The following MREG variants were observed in gnomAD, a reference collection of about 807,000 sequenced individuals.
MREG encodes the protein melanoregulin.
A neutral mutation model predicts 28.5 loss-of-function variants in MREG; 31 were observed. The ratio of observed to expected loss-of-function variants is 1.09; its 90% CI spans 0.82 to 1.47. The LOEUF is 1.47. Ranked by LOEUF, MREG falls within the 40% of genes most tolerant of loss-of-function variation. The pLI is 0.00. For synonymous variants in MREG, 106 were observed against 95.2 expected (o/e 1.11, Z -0.66); for missense variants, 256 against 257.4 (o/e 0.99, Z 0.04).
At chr2:216,029,861 T>C (rs1351439919) in intron 1 of MREG, among the ~76,000 whole-genome samples, 1 of 152,248 alleles carries the variant, frequency 6.6e-6, no homozygotes, top group African/African-American at 2.4e-5. Context: ...TCATGCATCA[T>C]TTTACAAGAG....
intron 2 of MREG, among the ~76,000 whole-genome samples, chr2:215,984,402 C>T (rs911756390): frequency 6.6e-6 from 1 of 150,926 alleles, no homozygotes; most frequent in African/African-American, 2.4e-5. Flanking sequence ...GCCTGCAATC[C>T]AATGCTTTGG....
At chr2:216,031,362 G>A (rs1223609006) in intron 1 of MREG, among the ~76,000 whole-genome samples, 1 of 151,454 alleles carries the variant, frequency 6.6e-6, no homozygotes, top group African/African-American at 2.4e-5. Context: ...AGCTGAGATT[G>A]TACCACTGCA....
intron 2 of MREG, among the ~76,000 whole-genome samples, chr2:215,957,899 A>T (rs1692669553): frequency 6.6e-6 from 1 of 152,156 alleles, no homozygotes; most frequent in Admixed American, 6.5e-5. Context: ...AATGTGGCAT[A>T]TATACACCAT....
chr2:216,028,527 C>CAAAA (rs1191138312), intron 1 of MREG, among the ~76,000 whole-genome samples: 2 of 62,790 alleles, frequency 3.2e-5, no homozygotes, highest in African/African-American at 1.2e-4. Flanking sequence ...GACTCCATCT[C>CAAAA]AAAAAAAAAA....
At chr2:216,013,922 T>A (rs2105927298), upstream of MREG, among the ~76,000 whole-genome samples, 1 of 152,314 alleles carries the variant, frequency 6.6e-6, no homozygotes, top group Admixed American at 6.5e-5. Flanking sequence ...CGTAGGGTTT[T>A]TTTTTAAATA....
chr2:216,027,817 C>G (rs748118834), intron 1 of MREG, among the ~76,000 whole-genome samples: 1 of 152,164 alleles, frequency 6.6e-6, no homozygotes, highest in Non-Finnish European at 1.5e-5. Flanking sequence ...GTCAAGCCAA[C>G]TCTCCCTTCC....
At chr2:215,953,727 T>A (rs923743982) in intron 2 of MREG, among the ~76,000 whole-genome samples, 2 of 152,224 alleles carry the variant, frequency 1.3e-5, no homozygotes, top group African/African-American at 4.8e-5. Context: ...AAGTCAGACC[T>A]ACTTCAGGAA....
At chr2:216,020,719 C>T (rs1010543463) in intron 1 of MREG, among the ~76,000 whole-genome samples, 1 of 152,140 alleles carries the variant, frequency 6.6e-6, no homozygotes, top group Non-Finnish European at 1.5e-5. Context: ...TAACAGCTAG[C>T]GATGCACTGT....
intron 1 of MREG, among the ~76,000 whole-genome samples, chr2:216,005,037 G>C (rs115994723): frequency 0.018 from 2,803 of 152,210 alleles, 79 homozygotes; most frequent in African/African-American, 0.063. Flanking sequence ...GAGGAACCAG[G>C]GGAAGCCAGT....
At chr2:216,006,757 C>G (rs3770564) in intron 1 of MREG, among the ~76,000 whole-genome samples, 1 of 152,196 alleles carries the variant, frequency 6.6e-6, no homozygotes, top group Non-Finnish European at 1.5e-5. Context: ...GAGTCCACAC[C>G]GTAAAATGAA....
At chr2:216,000,145 G>A (rs539778518) in intron 1 of MREG, among the ~76,000 whole-genome samples, 8 of 152,326 alleles carry the variant, frequency 5.3e-5, no homozygotes, top group African/African-American at 1.2e-4. Flanking sequence ...CACCCCTCAC[G>A]TTACACAAGC....
At chr2:216,017,354 G>A (rs1026909919), upstream of MREG, among the ~76,000 whole-genome samples, 2 of 151,972 alleles carry the variant, frequency 1.3e-5, no homozygotes, top group African/African-American at 4.8e-5. Context: ...TCCTCTTCCC[G>A]GAATTTTAAT....
chr2:215,965,190 C>T (rs1217242464), intron 2 of MREG, among the ~76,000 whole-genome samples: 1 of 152,178 alleles, frequency 6.6e-6, no homozygotes, highest in Non-Finnish European at 1.5e-5. Context: ...TTTCAGATGG[C>T]AACTCACAGG....
chr2:215,964,923 C>G (rs1692901793), intron 2 of MREG, among the ~76,000 whole-genome samples: 1 of 151,868 alleles, frequency 6.6e-6, no homozygotes, highest in Admixed American at 6.6e-5. Flanking sequence ...AAGCAAAATG[C>G]AATAAAATAG....
rs1692280816 is a variant in MREG, at chr2:215,944,913, G to A, written c.595C>T (p.Leu199=). 2.5e-6 allele frequency: 4 copies of A among 1,608,622 alleles called. No individual in the cohort carries two copies. Among genetic ancestry groups the A allele is most frequent in the Non-Finnish European group, 2.6e-6 (3 of 1,175,512 alleles). Residue 199 remains leucine, a synonymous_variant, in exon 5 of 5, where the codon CTG becomes TTG. Transcript: ENST00000263268. ...TGCAGTTCTTTCTGGCCATCTGCCA[G>A]GCATGGAACCCCAGGCTTCTTGGGG... The part of the protein sequence containing the change: ...TYPKKPGVPC[L]ADGQKELHYL...
chr2:216,006,597 G>T (rs920004547), intron 1 of MREG, among the ~76,000 whole-genome samples: 2 of 152,210 alleles, frequency 1.3e-5, no homozygotes, highest in African/African-American at 2.4e-5. Context: ...CAGAGACCTG[G>T]CTCCGGAAAA....
intron 1 of MREG, among the ~76,000 whole-genome samples, chr2:216,029,922 G>A (rs550560273): frequency 1.3e-5 from 2 of 152,272 alleles, no homozygotes; most frequent in Admixed American, 1.3e-4. Context: ...TGGCTGAGTC[G>A]TATCTCTTAT....
At chr2:216,003,264 C>A (rs1694065053) in intron 1 of MREG, among the ~76,000 whole-genome samples, 1 of 152,062 alleles carries the variant, frequency 6.6e-6, no homozygotes, top group African/African-American at 2.4e-5. Flanking sequence ...GCCCTGGGCA[C>A]CCCTTTCCTG....
intron 2 of MREG, among the ~76,000 whole-genome samples, chr2:215,994,057 A>G (rs1041519440): frequency 8.6e-5 from 13 of 151,958 alleles, no homozygotes; most frequent in Non-Finnish European, 1.6e-4. Context: ...CAATCCCATT[A>G]CTGGGTATAT....
Sources: allele counts gnomAD v4.1 joint callset (sites outside exome capture counted in the v4.1 genomes callset), GRCh38; gene constraint gnomAD v4.1.1; transcripts MANE v1.5; gene names NCBI Gene and HGNC (gene_info 2026-07-23, HGNC 2026-07-21).